The following CRIM1 variants were observed in gnomAD, a reference collection of about 807,000 sequenced individuals.
CRIM1 encodes the protein cysteine-rich motor neuron 1 protein.
A neutral mutation model predicts 116.4 loss-of-function variants in CRIM1; 32 were observed. The ratio of observed to expected loss-of-function variants is 0.27; its 90% CI spans 0.21 to 0.37. The LOEUF (loss-of-function observed/expected upper bound fraction) is 0.37. Ranked by LOEUF, CRIM1 falls within the 10% of genes least tolerant of loss-of-function variation. The pLI is 1.00. For missense variants in CRIM1, 1,331 were observed against 1,354.8 expected (o/e 0.98, Z 0.28); for synonymous variants, 590 against 509.2 (o/e 1.16, Z -2.13).
At chr2:36,368,416 C>G (rs1669735561) in intron 1 of CRIM1, among the ~76,000 whole-genome samples, 1 of 152,248 alleles carries the variant, frequency 6.6e-6, no homozygotes, top group African/African-American at 2.4e-5. Flanking sequence ...CCAGAAACTT[C>G]ACCCTTCCTT....
chr2:36,462,874 C>T lies in CRIM1; in HGVS notation c.870-1660C>T, dbSNP rs147221620. Among the ~76,000 whole-genome samples the T allele has an allele frequency of 1.1e-3, 165 of 152,230 alleles. 2 individuals are homozygous for T. Among genetic ancestry groups the T allele is most frequent in the Admixed American group, 3.2e-3 (49 of 15,300 alleles). ...CCACTGCAATGGCTAGGGATATAAGCGTGACAAAGTATGGGATGACCTTAT... is the reference window on the plus strand; with the variant it reads ...CCACTGCAATGGCTAGGGATATAAGTGTGACAAAGTATGGGATGACCTTAT... On this transcript the variant is annotated intron_variant, in intron 4 of 16. Coordinates refer to ENST00000280527, the MANE Select transcript of CRIM1 (RefSeq NM_016441.3).
chr2:36,546,866 C>T, intron 15 of CRIM1, 118 bp from the exon 16 acceptor site: 1 of 568,994 alleles, frequency 1.8e-6, no homozygotes, highest in Non-Finnish European at 3.1e-6. Context: ...ACATTTTTAG[C>T]CTCAAAAAAC....
chr2:36,437,130 C>A (rs1487552356), intron 2 of CRIM1, among the ~76,000 whole-genome samples: 1 of 152,208 alleles, frequency 6.6e-6, no homozygotes, highest in Admixed American at 6.5e-5. Flanking sequence ...CATCCCAGCA[C>A]TTTGGGAGGC....
chr2:36,381,001 C>A (rs1004853527), intron 1 of CRIM1, among the ~76,000 whole-genome samples: 10 of 152,252 alleles, frequency 6.6e-5, no homozygotes, highest in Non-Finnish European at 1.2e-4. Flanking sequence ...GGGGCCCCCC[C>A]GCTGCTCTCC....
At chr2:36,433,274 C>T (rs1675039927) in intron 2 of CRIM1, among the ~76,000 whole-genome samples, 1 of 152,230 alleles carries the variant, frequency 6.6e-6, no homozygotes, top group African/African-American at 2.4e-5. Flanking sequence ...CTAGGGGCCA[C>T]ACTTTAAGTA....
chr2:36,524,871 T>A (rs1665649479), intron 13 of CRIM1, among the ~76,000 whole-genome samples: 1 of 152,206 alleles, frequency 6.6e-6, no homozygotes. Context: ...AGATTATACA[T>A]TCTTCATTGG....
At chr2:36,430,729 A>G (rs1404747710) in intron 2 of CRIM1, among the ~76,000 whole-genome samples, 1 of 152,226 alleles carries the variant, frequency 6.6e-6, no homozygotes, top group Non-Finnish European at 1.5e-5. Flanking sequence ...GGCTGTTCTC[A>G]GAGGCATGCC....
At chr2:36,519,405 C>G (rs765139654) in intron 12 of CRIM1, among the ~76,000 whole-genome samples, 1 of 152,106 alleles carries the variant, frequency 6.6e-6, no homozygotes, top group African/African-American at 2.4e-5. Flanking sequence ...TTAACTTAGG[C>G]CTGGATTTTT....
chr2:36,389,198 C>T (rs950887112), intron 1 of CRIM1, among the ~76,000 whole-genome samples: 5 of 152,136 alleles, frequency 3.3e-5, no homozygotes, highest in Admixed American at 1.3e-4. Flanking sequence ...GCACTGATTG[C>T]GGCACAAGGA....
At chr2:36,458,435 A>G (rs1269645531) in intron 4 of CRIM1, among the ~76,000 whole-genome samples, 1 of 152,210 alleles carries the variant, frequency 6.6e-6, no homozygotes, top group African/African-American at 2.4e-5. Context: ...TGGTCATTGT[A>G]GTAAAACAAA....
At chr2:36,546,763 ATTTTTTTTTTT>A (rs775086985) in intron 15 of CRIM1, among the ~76,000 whole-genome samples, 5 of 101,850 alleles carry the variant, frequency 4.9e-5, no homozygotes, top group East Asian at 6.8e-4. Flanking sequence ...TCTCACTCTG[ATTTTTTTTTTT>A]TTTTTTTTTT....
chr2:36,543,862 T>C (rs1017291619), intron 14 of CRIM1, among the ~76,000 whole-genome samples: 9 of 150,318 alleles, frequency 6.0e-5, no homozygotes, highest in South Asian at 4.1e-4. Context: ...CTGAGACTTA[T>C]ACTCATGAGG....
intron 5 of CRIM1, among the ~76,000 whole-genome samples, chr2:36,470,143 A>C (rs1208127885): frequency 6.6e-6 from 1 of 152,234 alleles, no homozygotes; most frequent in Admixed American, 6.5e-5. Context: ...ATTTAAAAAC[A>C]CACAGAACTC....
chr2:36,454,975 G>A (rs1163428926), intron 4 of CRIM1, among the ~76,000 whole-genome samples: 1 of 152,178 alleles, frequency 6.6e-6, no homozygotes, highest in Non-Finnish European at 1.5e-5. Context: ...GTGAAACACC[G>A]TGGGTTTTGG....
chr2:36,362,487 C>G (rs1572554244), intron 1 of CRIM1, among the ~76,000 whole-genome samples: 1 of 152,278 alleles, frequency 6.6e-6, no homozygotes, highest in East Asian at 1.9e-4. Flanking sequence ...TTCAAAACGG[C>G]AAGTTTCCTT....
intron 7 of CRIM1, among the ~76,000 whole-genome samples, chr2:36,498,180 G>A (rs1680736803): frequency 6.6e-6 from 1 of 152,106 alleles, no homozygotes; most frequent in African/African-American, 2.4e-5. Flanking sequence ...TGTTCCCTTT[G>A]GCAACACCGT....
intron 1 of CRIM1, among the ~76,000 whole-genome samples, chr2:36,363,963 C>G (rs1404710208): frequency 6.6e-6 from 1 of 152,202 alleles, no homozygotes; most frequent in African/African-American, 2.4e-5. Flanking sequence ...GTTCTTCTGC[C>G]ATTCTTCTGC....
In CRIM1 at chr2:36,544,482, C is replaced by A; in HGVS notation, c.2730C>A (p.Ile910=). 1 of 1,375,986 alleles carries A rather than the reference C, an allele frequency of 7.3e-7. No homozygotes were observed. The highest frequency in any genetic ancestry group is 2.7e-5 in the East Asian group (1 of 36,624). The allele number at this position is 1,375,986 out of a possible 1,614,324, so 85.2% of individuals were successfully genotyped here. ...GGCCCACGCCTAGTGAAAATGATAT[C>A]GTCCATCTCCCTAGAGGTAAGCATT... ...PLWPTPSEND[I]VHLPRDMGHL... Residue 910 remains isoleucine, a synonymous_variant, in exon 15 of 17, where the codon ATC becomes ATA. Coordinates refer to ENST00000280527, the MANE Select transcript of CRIM1 (RefSeq NM_016441.3).
intron 1 of CRIM1, among the ~76,000 whole-genome samples, chr2:36,376,230 A>G (rs1342829542): frequency 2.0e-5 from 3 of 152,222 alleles, no homozygotes; most frequent in Non-Finnish European, 2.9e-5. Context: ...CCAAAGCTTC[A>G]AGTGGTTTTT....
Sources: allele counts gnomAD v4.1 joint callset (sites outside exome capture counted in the v4.1 genomes callset), GRCh38; gene constraint gnomAD v4.1.1; transcripts MANE v1.5; gene names NCBI Gene and HGNC (gene_info 2026-07-23, HGNC 2026-07-21).